The following DNASE2B variants were observed in gnomAD, a reference collection of about 807,000 sequenced individuals.
The protein encoded by DNASE2B is deoxyribonuclease-2-beta.
In DNASE2B, 43 loss-of-function variants were observed where a neutral mutation model predicts 46.0. That is an observed-to-expected ratio of 0.94 (90% CI 0.73 to 1.21). DNASE2B has a LOEUF of 1.21. DNASE2B is among the 50% of genes most tolerant of loss of function. DNASE2B has a pLI of 0.00. For synonymous variants in DNASE2B, 156 were observed against 152.5 expected (o/e 1.02, Z -0.17); for missense variants, 395 against 414.4 (o/e 0.95, Z 0.41).
At chr1:84,414,492 T>C in intron 5 of DNASE2B, 36 bp from the exon 6 acceptor site, 2 of 1,542,394 alleles carry the variant, frequency 1.3e-6, no homozygotes, top group Non-Finnish European at 1.7e-6. Context: ...TAAGTGTAAA[T>C]ACCAACCTCA....
intron 2 of DNASE2B, among the ~76,000 whole-genome samples, chr1:84,405,268 C>CT (rs1680477358): frequency 6.6e-6 from 1 of 152,120 alleles, no homozygotes; most frequent in Admixed American, 6.5e-5. Flanking sequence ...TATAGTATTC[C>CT]TTTCTTATAG....
In DNASE2B at chr1:84,405,427, T is replaced by C. The variant is rs148572272; in HGVS notation, c.304-3010T>C. Among the ~76,000 whole-genome samples the C allele has an allele frequency of 4.2e-3, 633 of 152,384 alleles. 8 individuals are homozygous for C. The highest frequency in any genetic ancestry group is 0.015 in the African/African-American group (615 of 41,594). On this transcript the variant is annotated intron_variant, in intron 2 of 5. Coordinates refer to ENST00000370665, the MANE Select transcript of DNASE2B (RefSeq NM_021233.3). ...TTTTCTTTTTTCACAATGGCTCTTATGCTGGATTCACTTAACTTGAAATGG... is the reference window on the plus strand; with the variant it reads ...TTTTCTTTTTTCACAATGGCTCTTACGCTGGATTCACTTAACTTGAAATGG...
chr1:84,412,128 A>G (rs1486669740), intron 4 of DNASE2B, among the ~76,000 whole-genome samples: 1 of 152,188 alleles, frequency 6.6e-6, no homozygotes, highest in Non-Finnish European at 1.5e-5. Flanking sequence ...AAATGAATAA[A>G]CCCATGTAAA....
chr1:84,398,793 C>T, intron 1 of DNASE2B, 104 bp downstream of exon 1: 2 of 1,485,050 alleles, frequency 1.3e-6, no homozygotes, highest in Middle Eastern at 2.3e-4. Context: ...TCTCTTTCCT[C>T]CCTTTACAAA....
intron 1 of DNASE2B, among the ~76,000 whole-genome samples, chr1:84,399,407 T>C (rs748688433): frequency 8.5e-5 from 13 of 152,224 alleles, no homozygotes; most frequent in Non-Finnish European, 1.9e-4. Context: ...CCTCAGTTAC[T>C]GAGCTCAACA....
chr1:84,406,482 G>A (rs1158554858), intron 2 of DNASE2B, among the ~76,000 whole-genome samples: 1 of 152,174 alleles, frequency 6.6e-6, no homozygotes, highest in African/African-American at 2.4e-5. Flanking sequence ...ACAGAAAGAA[G>A]CCAGGGATTA....
At chr1:84,404,281 T>G (rs1447289533) in intron 2 of DNASE2B, among the ~76,000 whole-genome samples, 2 of 152,170 alleles carry the variant, frequency 1.3e-5, no homozygotes, top group African/African-American at 4.8e-5. Context: ...TATCTTGAAA[T>G]CCATCACCCC....
intron 1 of DNASE2B, among the ~76,000 whole-genome samples, chr1:84,399,920 T>C (rs1420595038): frequency 6.6e-6 from 1 of 152,074 alleles, no homozygotes; most frequent in African/African-American, 2.4e-5. Flanking sequence ...CAGCCTAGAA[T>C]CACTGAGACC....
At chr1:84,409,107 A>G (rs1680544498) in intron 3 of DNASE2B, among the ~76,000 whole-genome samples, 1 of 152,082 alleles carries the variant, frequency 6.6e-6, no homozygotes, top group African/African-American at 2.4e-5. Context: ...GAACTACAGA[A>G]AAATTCAAAA....
chr1:84,398,771 G>A (rs1283351486), intron 1 of DNASE2B, 82 bp downstream of exon 1: 4 of 1,543,122 alleles, frequency 2.6e-6, no homozygotes, highest in Non-Finnish European at 3.5e-6. Flanking sequence ...AGTTCCTAAG[G>A]GGAATGTCCA....
Position 84,411,062 on chromosome 1 carries a change from A to G in DNASE2B, c.547+63A>G, listed in dbSNP as rs867997727. Reference sequence around the variant, plus strand: ...TGTTGAAGAAATGATTTGGAAATATATTCATAAATGTGTCACTTCATTTGT... The same window carrying G: ...TGTTGAAGAAATGATTTGGAAATATGTTCATAAATGTGTCACTTCATTTGT... On this transcript the variant is annotated intron_variant, in intron 4 of 5. Transcript: ENST00000370665. 1.2e-4 allele frequency: 177 copies of G among 1,481,600 alleles called. No homozygotes were observed. The Middle Eastern group carries it at 3.1e-3, about 26-fold the overall frequency. The allele number at this position is 1,481,600 out of a possible 1,614,324, so 91.8% of individuals were successfully genotyped here. A position where few individuals can be genotyped will look rare whatever the true frequency, so the allele number is the denominator to read the frequency against.
chr1:84,401,862 C>T, intron 1 of DNASE2B, 39 bp from the exon 2 acceptor site: 1 of 1,400,820 alleles, frequency 7.1e-7, no homozygotes, highest in East Asian at 2.7e-5. Flanking sequence ...GGAAAACAGT[C>T]AATAAATGTT....
At chr1:84,402,762 G>A (rs927480) in intron 2 of DNASE2B, among the ~76,000 whole-genome samples, 8,019 of 152,248 alleles carry the variant, frequency 0.053, 234 homozygotes, top group Admixed American at 0.076. Context: ...TTCCAACCAG[G>A]AGTGGCAAGT....
At chr1:84,403,639 A>G (rs540480357) in intron 2 of DNASE2B, among the ~76,000 whole-genome samples, 44 of 152,182 alleles carry the variant, frequency 2.9e-4, no homozygotes, top group Admixed American at 2.8e-3. Context: ...TAACTTTCAC[A>G]TGAAAATACA....
At chr1:84,410,814 C>G (rs761336864) in intron 3 of DNASE2B, 24 bp from the exon 4 acceptor site, 125 of 1,596,136 alleles carry the variant, frequency 7.8e-5, no homozygotes, top group Non-Finnish European at 1.0e-4. Flanking sequence ...TCTGATTTAT[C>G]TTTGTTAAAT....
intron 2 of DNASE2B, 72 bp from the exon 3 acceptor site, chr1:84,408,365 A>G (rs1479130072): frequency 6.7e-7 from 1 of 1,503,180 alleles, no homozygotes; most frequent in East Asian, 2.5e-5. Context: ...CAGGCTGGGT[A>G]GCTGGTAGAA....
In DNASE2B at chr1:84,402,040, A is replaced by G. The variant is rs776857172; in HGVS notation, c.265A>G (p.Arg89Gly). Residue 89 changes from arginine (R) to glycine (G), a missense_variant, in exon 2 of 6, where the codon AGG becomes GGG. By Grantham distance (125) the Arg-to-Gly change is moderately radical. Coordinates refer to ENST00000370665, the MANE Select transcript of DNASE2B (RefSeq NM_021233.3). ...LMNDTKSVLG[R>G]TLQQLYEAYA... ...GAATGACACCAAGAGTGTTTTGGGAAGGACATTACAACAGCTATATGAAGC... is the reference window on the plus strand; with the variant it reads ...GAATGACACCAAGAGTGTTTTGGGAGGGACATTACAACAGCTATATGAAGC... The G allele has an allele frequency of 1.2e-6, 2 of 1,608,848 alleles. No individual in the cohort carries two copies. Among genetic ancestry groups the G allele is most frequent in the South Asian group, 2.2e-5 (2 of 89,600 alleles).
intron 2 of DNASE2B, among the ~76,000 whole-genome samples, chr1:84,403,756 G>T (rs1471635679): frequency 6.6e-6 from 1 of 151,728 alleles, no homozygotes; most frequent in African/African-American, 2.4e-5. Context: ...ATCACAGAAG[G>T]GTTCATGTTG....
chr1:84,400,198 A>G (rs1558496401), intron 1 of DNASE2B, among the ~76,000 whole-genome samples: 1 of 152,086 alleles, frequency 6.6e-6, no homozygotes, highest in Non-Finnish European at 1.5e-5. Context: ...GAGAAACCCC[A>G]TCTTTACTAA....
Sources: gnomAD v4.1 joint callset for allele counts (sites outside exome capture counted in the v4.1 genomes callset) on GRCh38, gnomAD v4.1.1 for gene constraint, MANE v1.5 for transcripts, NCBI Gene and HGNC (gene_info 2026-07-23, HGNC 2026-07-21) for gene names.